GABRA2: variants seen among roughly 807,000 people sequenced by gnomAD.
GABRA2 encodes the protein gamma-aminobutyric acid receptor subunit alpha-2.
Under a neutral mutation model 48.7 loss-of-function variants are expected in GABRA2, and 16 were observed. That is an observed-to-expected ratio of 0.33 (90% CI 0.22 to 0.50). The LOEUF is 0.50. GABRA2 is among the 20% of genes least tolerant of loss of function. The pLI is 0.98. For synonymous variants in GABRA2, 185 were observed against 184.5 expected, an observed-to-expected ratio of 1.00 and a Z score of -0.02; for missense variants, 275 against 535.6, an observed-to-expected ratio of 0.51 and a Z score of 4.80.
chr4:46,250,610 G>A lies in GABRA2; in HGVS notation c.1060-6C>T. On this transcript the variant is annotated splice_polypyrimidine_tract_variant and splice_region_variant and intron_variant, in intron 9 of 9. Transcript: ENST00000381620. ...ACGGAAGCCTTTTCTTTTTTCTATT[G>A]AAAAATACAAAAATTAACAGAGTGT... 1.3e-6 allele frequency: 2 copies of A among 1,576,928 alleles called. No homozygotes were observed. The highest frequency in any genetic ancestry group is 1.7e-6 in the Non-Finnish European group (2 of 1,164,760).
chr4:46,309,552 T>A (rs1364197962), intron 6 of GABRA2, among the ~76,000 whole-genome samples: 2 of 151,920 alleles, frequency 1.3e-5, no homozygotes, highest in Non-Finnish European at 2.9e-5. Flanking sequence ...TCCTTTTCAA[T>A]TATTCTGGAA....
chr4:46,316,162 A>C (rs1355946015), intron 4 of GABRA2, among the ~76,000 whole-genome samples: 10 of 151,834 alleles, frequency 6.6e-5, no homozygotes, highest in Non-Finnish European at 4.4e-5. Context: ...GTTTTTCCTC[A>C]TCCTTATTTT....
At chr4:46,343,818 G>A (rs1733695460) in intron 3 of GABRA2, among the ~76,000 whole-genome samples, 2 of 152,080 alleles carry the variant, frequency 1.3e-5, no homozygotes, top group South Asian at 4.1e-4. Context: ...TGCCATCTAT[G>A]TATATCTGTA....
At chr4:46,259,120 A>C (rs559952852) in intron 9 of GABRA2, among the ~76,000 whole-genome samples, 1 of 151,858 alleles carries the variant, frequency 6.6e-6, no homozygotes, top group African/African-American at 2.4e-5. Context: ...AAATAAGAAA[A>C]CAATAACTAA....
chr4:46,389,887 C>T lies in GABRA2; in HGVS notation c.-163G>A, dbSNP rs1465035254. On this transcript the variant is annotated 5_prime_UTR_variant, in exon 1 of 10. Transcript: ENST00000381620. ...ACCGAGACTGCAGCAGCCAAGAGAG[C>T]GTGGAGCGATGGGCTGGTGGAAGCC... 1 of 963,548 alleles carries T rather than the reference C, an allele frequency of 1.0e-6. No individual in the cohort carries two copies. The highest frequency in any genetic ancestry group is 1.2e-6 in the Non-Finnish European group (1 of 825,964). The allele number at this position is 963,548 out of a possible 1,614,324, so 59.7% of individuals were successfully genotyped here. A position where few individuals can be genotyped will look rare whatever the true frequency, so the allele number is the denominator to read the frequency against.
intron 8 of GABRA2, among the ~76,000 whole-genome samples, chr4:46,262,670 T>G (rs1429184441): frequency 1.3e-5 from 2 of 151,868 alleles, no homozygotes; most frequent in Non-Finnish European, 2.9e-5. Flanking sequence ...GAAGCCGAAG[T>G]GGGTGGATCA....
In GABRA2 at chr4:46,246,806, A is replaced by C. The variant is rs1417014256; in HGVS notation, c.*3502T>G. Among the ~76,000 whole-genome samples the C allele has an allele frequency of 2.6e-5, 4 of 151,246 alleles. No individual in the cohort carries two copies. Among genetic ancestry groups the C allele is most frequent in the African/African-American group, 7.3e-5 (3 of 41,362 alleles). On this transcript the variant is annotated 3_prime_UTR_variant, in exon 10 of 10. Coordinates refer to ENST00000381620, the MANE Select transcript of GABRA2 (RefSeq NM_000807.4). ...TCTGAGGGCATCAGGCATAGAATAC[A>C]TTAAACAAATTATTAATGGATGCCA... is the stretch of plus-strand genomic sequence containing the variant.
At chr4:46,356,203 G>A (rs371071096) in intron 3 of GABRA2, among the ~76,000 whole-genome samples, 11 of 152,060 alleles carry the variant, frequency 7.2e-5, no homozygotes, top group East Asian at 1.9e-4. Flanking sequence ...TGGACATCTC[G>A]GAAAATCAAA....
At chr4:46,327,622 T>C (rs1730615674) in intron 4 of GABRA2, among the ~76,000 whole-genome samples, 1 of 152,040 alleles carries the variant, frequency 6.6e-6, no homozygotes, top group Admixed American at 6.6e-5. Flanking sequence ...AGTGTCAATT[T>C]TGACCAGATA....
intron 3 of GABRA2, among the ~76,000 whole-genome samples, chr4:46,378,553 CCA>C (rs1431098223): frequency 6.6e-6 from 1 of 151,812 alleles, no homozygotes; most frequent in African/African-American, 2.4e-5. Context: ...CCTAGGAAAA[CCA>C]GAGACCTTTG....
At chr4:46,290,884 T>G (rs1431750282) in intron 8 of GABRA2, among the ~76,000 whole-genome samples, 1 of 152,178 alleles carries the variant, frequency 6.6e-6, no homozygotes, top group African/African-American at 2.4e-5. Flanking sequence ...ATTAATGTGG[T>G]ATAGTATATT....
At chr4:46,310,835 T>G (rs1727523851) in intron 5 of GABRA2, among the ~76,000 whole-genome samples, 1 of 152,150 alleles carries the variant, frequency 6.6e-6, no homozygotes, top group Non-Finnish European at 1.5e-5. Flanking sequence ...TAAACACAAA[T>G]TACGAATGTT....
intron 3 of GABRA2, among the ~76,000 whole-genome samples, chr4:46,337,727 A>G (rs1732505508): frequency 6.6e-6 from 1 of 151,746 alleles, no homozygotes; most frequent in African/African-American, 2.4e-5. Flanking sequence ...TTAAAGTAAT[A>G]TTGCAGGGAT....
At chr4:46,252,002 T>C (rs979880015) in intron 9 of GABRA2, among the ~76,000 whole-genome samples, 9 of 151,584 alleles carry the variant, frequency 5.9e-5, no homozygotes, top group African/African-American at 1.4e-4. Flanking sequence ...TTATCCAAAA[T>C]AGTGAGCAGG....
chr4:46,269,638 A>T (rs1718903270), intron 8 of GABRA2, among the ~76,000 whole-genome samples: 1 of 151,918 alleles, frequency 6.6e-6, no homozygotes, highest in Non-Finnish European at 1.5e-5. Context: ...AGAAACACCT[A>T]CAGTTATCAT....
intron 3 of GABRA2, among the ~76,000 whole-genome samples, chr4:46,380,788 A>G (rs555036688): frequency 6.6e-6 from 1 of 152,296 alleles, no homozygotes; most frequent in South Asian, 2.1e-4. Context: ...ATTTTTTGGT[A>G]TTAATTTTTG....
intron 3 of GABRA2, among the ~76,000 whole-genome samples, chr4:46,336,596 C>CA (rs1265829439): frequency 6.6e-6 from 1 of 151,996 alleles, no homozygotes; most frequent in Non-Finnish European, 1.5e-5. Flanking sequence ...TCTCCAGAGG[C>CA]AAAATACAAG....
intron 1 of GABRA2, chr4:46,389,340 G>A: frequency 2.0e-6 from 2 of 985,368 alleles, no homozygotes; most frequent in South Asian, 9.4e-5. Context: ...AGTCTTAGAG[G>A]CAGCCGGGTT....
chr4:46,305,324 T>C (rs1360542607), intron 7 of GABRA2, among the ~76,000 whole-genome samples: 3 of 150,058 alleles, frequency 2.0e-5, no homozygotes, highest in Non-Finnish European at 3.0e-5. Flanking sequence ...AATGACGAGT[T>C]GATGTGTGCA....
Sources: allele counts gnomAD v4.1 joint callset (sites outside exome capture counted in the v4.1 genomes callset), GRCh38; gene constraint gnomAD v4.1.1; transcripts MANE v1.5; gene names NCBI Gene and HGNC (gene_info 2026-07-23, HGNC 2026-07-21).